The following FCRLB variants were observed in gnomAD, a reference collection of about 807,000 sequenced individuals.
The protein encoded by FCRLB is Fc receptor like B, also known as Fc receptor-like B.
In FCRLB, 34 loss-of-function variants were observed where a neutral mutation model predicts 33.6. That is an observed-to-expected ratio of 1.01 (90% confidence interval 0.77 to 1.35). FCRLB has a LOEUF of 1.35. Ranked by LOEUF, FCRLB falls within the 40% of genes most tolerant of loss-of-function variation. The pLI is 0.00. For missense variants in FCRLB, 560 were observed against 580.2 expected, an observed-to-expected ratio of 0.97 and a Z score of 0.36; for synonymous variants, 280 against 255.9, an observed-to-expected ratio of 1.09 and a Z score of -0.90.
intron 5 of FCRLB, among the ~76,000 whole-genome samples, chr1:161,724,068 C>T (rs1683462935): frequency 6.6e-6 from 1 of 152,142 alleles, no homozygotes; most frequent in Non-Finnish European, 1.5e-5. Flanking sequence ...TCAGTGTCCA[C>T]ATCTGTAAAG....
Position 161,726,487 on chromosome 1 carries a change from G to A in FCRLB, c.575-216G>A. 1 of 763,752 alleles carries A rather than the reference G, an allele frequency of 1.3e-6. No individual in the cohort carries two copies. The highest frequency in any genetic ancestry group is 2.3e-6 in the Non-Finnish European group (1 of 441,678). 47.3% of individuals were successfully genotyped at this position (763,752 alleles called of 1,614,324 possible). ...GATGTGACATGAAGCGTCTGGCCTGGTCCCTCTTCCTTTCAAGCTTTCCCC... is the reference window on the plus strand; with the variant it reads ...GATGTGACATGAAGCGTCTGGCCTGATCCCTCTTCCTTTCAAGCTTTCCCC... On this transcript the variant is annotated intron_variant, in intron 6 of 7. Transcript: ENST00000367948. The surrounding 1 kb of genome is among the most constrained non-coding windows in gnomAD (Gnocchi z 5.2).
intron 5 of FCRLB, among the ~76,000 whole-genome samples, chr1:161,724,425 TAAAAAAA>T (rs3039575): frequency 1.8e-5 from 2 of 112,612 alleles, no homozygotes; most frequent in Non-Finnish European, 3.5e-5. Flanking sequence ...CACTCTCTAC[TAAAAAAA>T]AAAAAAAAAA....
exon 5 of FCRLB, chr1:161,723,439 T>C (rs747333776): frequency 2.5e-6 from 4 of 1,614,188 alleles, no homozygotes; most frequent in South Asian, 2.2e-5. Context: ...CGGGTAACTT[T>C]GAAGTGTGAT....
chr1:161,727,516 C>G, exon 8 of FCRLB: 1 of 1,614,192 alleles, frequency 6.2e-7, no homozygotes, highest in Non-Finnish European at 8.5e-7. Context: ...CCGAGAAATG[C>G]AGCTGCTCAA....
chr1:161,723,262 C>A, intron 4 of FCRLB, 105 bp from the exon 5 acceptor site: 3 of 1,412,528 alleles, frequency 2.1e-6, no homozygotes, highest in Non-Finnish European at 2.9e-6. Context: ...CTGGGGCCTG[C>A]GAGCTGGGGT....
At chr1:161,727,508 G>T (rs1263628310) in exon 8 of FCRLB, 1 of 1,614,158 alleles carries the variant, frequency 6.2e-7, no homozygotes, top group East Asian at 2.2e-5. Context: ...CTTCTGCTCC[G>T]AGAAATGCAG....
At chr1:161,722,925 GTCTC>G in intron 3 of FCRLB, 60 bp from the exon 4 acceptor site, 1 of 1,606,480 alleles carries the variant, frequency 6.2e-7, no homozygotes, top group Non-Finnish European at 8.5e-7. Context: ...GTCGTCAAGA[GTCTC>G]TCTCCTCTCA....
chr1:161,725,217 T>C (rs1413457327), intron 5 of FCRLB, among the ~76,000 whole-genome samples: 3 of 152,138 alleles, frequency 2.0e-5, no homozygotes, highest in African/African-American at 7.2e-5. Flanking sequence ...TGGAGCCAAG[T>C]CTCTGGCATC....
At position 161,726,860 on chromosome 1, in the gene FCRLB, C is replaced by T; in HGVS notation, c.732C>T (p.Arg244=). 6.3e-7 allele frequency: 1 copy of T among 1,577,086 alleles called. No homozygotes were observed. The highest frequency in any genetic ancestry group is 1.4e-5 in the African/African-American group (1 of 73,968). Residue 244 remains arginine, a synonymous_variant, in exon 7 of 8, where the codon CGC becomes CGT. Coordinates refer to ENST00000367948, the Ensembl canonical transcript of FCRLB. This position sits in a 1 kb window ranked among gnomAD's most constrained non-coding sequence, Gnocchi z 5.2. ...TTTACAAGTACAGCCGCGCGGTGCG[C>T]CGCTTCGACTGGGGCGCCGAGTACA...
At chr1:161,724,573 G>T (rs1448999953) in intron 5 of FCRLB, among the ~76,000 whole-genome samples, 1 of 152,138 alleles carries the variant, frequency 6.6e-6, no homozygotes, top group African/African-American at 2.4e-5. Flanking sequence ...GCCACAATTT[G>T]TATTCAGAAT....
chr1:161,723,860 A>C (rs948327814), intron 5 of FCRLB, among the ~76,000 whole-genome samples: 60 of 152,192 alleles, frequency 3.9e-4, no homozygotes, highest in Non-Finnish European at 6.8e-4. Context: ...GCACAGTGTG[A>C]ACATTTCTGT....
chr1:161,727,816 C>A, exon 8 of FCRLB: 2 of 871,008 alleles, frequency 2.3e-6, no homozygotes, highest in Non-Finnish European at 1.7e-6. Flanking sequence ...ACGATTTCAA[C>A]CTCACACAGC....
At chr1:161,725,234 C>T (rs1683501014) in intron 5 of FCRLB, among the ~76,000 whole-genome samples, 1 of 152,162 alleles carries the variant, frequency 6.6e-6, no homozygotes, top group South Asian at 2.1e-4. Context: ...CATCTTTGCT[C>T]CCTGGCTAAG....
At chr1:161,723,031 T>C (rs1571078495) in intron 4 of FCRLB, 22 bp downstream of exon 4, 2 of 1,613,830 alleles carry the variant, frequency 1.2e-6, no homozygotes, top group Non-Finnish European at 1.7e-6. Context: ...AAATTTCTCA[T>C]CCCAATTTTC....
At chr1:161,722,334 G>A (rs541541206) in intron 2 of FCRLB, among the ~76,000 whole-genome samples, 1 of 152,334 alleles carries the variant, frequency 6.6e-6, no homozygotes. Context: ...GCCTGAAGAT[G>A]GCGGGGTCAT....
exon 6 of FCRLB, chr1:161,725,900 C>G: frequency 1.2e-6 from 2 of 1,614,212 alleles, no homozygotes; most frequent in Non-Finnish European, 1.7e-6. Context: ...GCTGGTACGA[C>G]AAGGTGGTCT....
rs1440791786 is a variant in FCRLB, at chr1:161,726,856, T to C, written c.728T>C (p.Val243Ala). The stretch of plus-strand genomic sequence containing the variant: ...GCGTTTTACAAGTACAGCCGCGCGG[T>C]GCGCCGCTTCGACTGGGGCGCCGAG... Residue 243 changes from valine (V) to alanine (A), a missense_variant, in exon 7 of 8, where the codon GTG (valine) becomes GCG (alanine). Val to Ala is a moderately conservative substitution (Grantham distance 64, BLOSUM62 0). Transcript: ENST00000367948. The surrounding 1 kb of genome is among the most constrained non-coding windows in gnomAD (Gnocchi z 5.2). 2 of 1,575,620 alleles carry C rather than the reference T, an allele frequency of 1.3e-6. No homozygotes were observed. The highest frequency in any genetic ancestry group is 1.7e-6 in the Non-Finnish European group (2 of 1,160,732).
chr1:161,727,599 G>T (rs1683644258), exon 8 of FCRLB: 2 of 1,614,046 alleles, frequency 1.2e-6, no homozygotes, highest in South Asian at 1.1e-5. Context: ...GAACGCCCGA[G>T]ACCCCCACCT....
Position 161,726,603 on chromosome 1 carries a change from T to C in FCRLB, c.575-100T>C, listed in dbSNP as rs963236711. On this transcript the variant is annotated intron_variant, in intron 6 of 7. Coordinates refer to ENST00000367948, the Ensembl canonical transcript of FCRLB. The surrounding 1 kb of genome is among the most constrained non-coding windows in gnomAD (Gnocchi z 5.2). ...CACACGGCCTCCTCCCCTCCCCCCT[T>C]GGTCTGTGGGTCTGCAAGGAGCCCT... 6.1e-6 allele frequency: 9 copies of C among 1,466,112 alleles called. No individual in the cohort carries two copies. Among genetic ancestry groups the C allele is most frequent in the Non-Finnish European group, 6.5e-6 (7 of 1,084,276 alleles). The allele number at this position is 1,466,112 out of a possible 1,614,324, so 90.8% of individuals were successfully genotyped here.
Sources: gnomAD v4.1 joint callset for allele counts (sites outside exome capture counted in the v4.1 genomes callset) on GRCh38, gnomAD v4.1.1 for gene constraint, Gnocchi (gnomAD v3.1) non-coding constraint, MANE v1.5 for transcripts, NCBI Gene and HGNC (gene_info 2026-07-23, HGNC 2026-07-21) for gene names.